LMBR1: variants seen among roughly 807,000 people sequenced by gnomAD.
LMBR1 encodes limb region 1 protein homolog.
In LMBR1, 52 loss-of-function variants were observed where a neutral mutation model predicts 73.9. The observed-to-expected ratio is 0.70, with a 90% confidence interval of 0.56 to 0.89. The LOEUF (loss-of-function observed/expected upper bound fraction) is 0.89, where lower values mean the gene tolerates loss of function less well. Among genes scored for constraint, LMBR1 ranks in the 40% least tolerant of loss-of-function variants. The pLI is 0.00. For missense variants in LMBR1, 539 were observed against 579.8 expected (o/e 0.93, Z 0.72); for synonymous variants, 215 against 209.4 (o/e 1.03, Z -0.23).
In LMBR1 at chr7:156,723,629, G is replaced by C. The variant is rs1376025660; in HGVS notation, c.1225+483C>G. On this transcript the variant is annotated intron_variant, in intron 15 of 16. Coordinates refer to ENST00000353442, the MANE Select transcript of LMBR1 (RefSeq NM_022458.4). ...ACAGAAATGAATGACAGGCAAGTAG[G>C]AACTCTCAAGGGTGTCCTTTGAATC... Among the ~76,000 whole-genome samples, 5 of 152,060 alleles carry C rather than the reference G, an allele frequency of 3.3e-5. No homozygotes were observed. The East Asian group carries it at 9.6e-4, about 29-fold the overall frequency.
At chr7:156,819,832 C>T (rs913072844) in intron 4 of LMBR1, among the ~76,000 whole-genome samples, 2 of 152,058 alleles carry the variant, frequency 1.3e-5, no homozygotes, top group African/African-American at 2.4e-5. Context: ...CTGTGGTTGT[C>T]TCCTCTCTTC....
rs59912051 is a variant in LMBR1 at position 156,725,501 on chromosome 7, G to A, written c.1092C>T (p.Val364=). 0.084 allele frequency: 134,953 copies of A among 1,597,898 alleles called. 6,335 individuals carry two copies. Among genetic ancestry groups the A allele is most frequent in the East Asian group, 0.16 (6,954 of 44,618 alleles). The part of the protein sequence containing the change: ...LIFYLMVSSV[V]GFYSLRFFGN... ...CAAAAAATCGAAGGCTATAGAAGCC[G>A]ACAACAGAGGACACCATAAGATAGC... Residue 364 remains valine (V), a synonymous_variant, in exon 14 of 17, where the codon GTC becomes GTT. Transcript: ENST00000353442.
At chr7:156,794,843 C>T (rs1829830418) in intron 5 of LMBR1, among the ~76,000 whole-genome samples, 1 of 152,264 alleles carries the variant, frequency 6.6e-6, no homozygotes, top group East Asian at 1.9e-4. Flanking sequence ...GTGTTCTGCA[C>T]TGTGTGGGGC....
At chr7:156,755,136 T>C (rs184216835) in intron 9 of LMBR1, among the ~76,000 whole-genome samples, 5 of 152,334 alleles carry the variant, frequency 3.3e-5, no homozygotes, top group East Asian at 3.9e-4. Context: ...CTCTGTAACA[T>C]TTCTATGCCA....
chr7:156,718,105 G>A (rs983872824), intron 15 of LMBR1, among the ~76,000 whole-genome samples: 3 of 152,034 alleles, frequency 2.0e-5, no homozygotes, highest in African/African-American at 7.2e-5. Context: ...GTATTATTAA[G>A]AATACTCAGC....
intron 3 of LMBR1, among the ~76,000 whole-genome samples, chr7:156,831,856 G>C (rs1034231596): frequency 1.3e-5 from 2 of 152,194 alleles, no homozygotes; most frequent in African/African-American, 4.8e-5. Context: ...ACCACAGGTG[G>C]CACACAGACT....
chr7:156,833,865 A>T, intron 2 of LMBR1, 73 bp from the exon 3 acceptor site: 1 of 984,224 alleles, frequency 1.0e-6, no homozygotes, highest in Non-Finnish European at 1.5e-6. Flanking sequence ...TTAAAACTAT[A>T]AACACAATAT....
chr7:156,784,183 T>C (rs2133225708), intron 5 of LMBR1, among the ~76,000 whole-genome samples: 1 of 152,222 alleles, frequency 6.6e-6, no homozygotes, highest in South Asian at 2.1e-4. Flanking sequence ...CTTGAAATAT[T>C]TTTTGTCTAC....
Position 156,669,524 on chromosome 7 carries a change from C to T in LMBR1, n.867-237G>A, listed in dbSNP as rs771327009. 8.5e-5 allele frequency among the ~76,000 whole-genome samples: 13 copies of T among 152,124 alleles called. No individual in the cohort carries two copies. The highest frequency in any genetic ancestry group is 1.9e-4 in the Non-Finnish European group (13 of 68,008). On this transcript the variant is annotated intron_variant and non_coding_transcript_variant, in intron 4 of 4. Transcript: ENST00000430825. The surrounding 1 kb of genome is among the most constrained non-coding windows in gnomAD (Gnocchi z 4.2). ...TTAGCATGTGGGAGGGGCAGGCTGG[C>T]AGAGTGTGAGCCGCTGGGCACAGGT...
intron 4 of LMBR1, among the ~76,000 whole-genome samples, chr7:156,808,549 G>C (rs1415555336): frequency 6.6e-6 from 1 of 152,064 alleles, no homozygotes; most frequent in Non-Finnish European, 1.5e-5. Context: ...CCTTTTAGTT[G>C]TAGTGTTTAG....
At chr7:156,825,172 T>G (rs1040920904) in intron 4 of LMBR1, among the ~76,000 whole-genome samples, 2 of 152,158 alleles carry the variant, frequency 1.3e-5, no homozygotes, top group African/African-American at 4.8e-5. Flanking sequence ...AGGAGGACAT[T>G]TTACCATTAA....
intron 15 of LMBR1, among the ~76,000 whole-genome samples, chr7:156,719,059 A>G (rs191084843): frequency 1.3e-5 from 2 of 151,438 alleles, no homozygotes; most frequent in African/African-American, 4.9e-5. Flanking sequence ...TGTATACATG[A>G]GCCATGCTGG....
chr7:156,824,431 T>C (rs545355974), intron 4 of LMBR1, among the ~76,000 whole-genome samples: 3 of 152,304 alleles, frequency 2.0e-5, no homozygotes, highest in South Asian at 2.1e-4. Context: ...ATCTCTTAAA[T>C]TTAAACTTGC....
intron 4 of LMBR1, among the ~76,000 whole-genome samples, chr7:156,799,624 G>C (rs770434105): frequency 6.6e-6 from 1 of 152,136 alleles, no homozygotes; most frequent in African/African-American, 2.4e-5. Flanking sequence ...AGTAGGCCAT[G>C]TAATAATCCT....
rs562654381 is a variant in LMBR1, at chr7:156,688,031, T to G, written c.1386A>C (p.Leu462=). Residue 462 remains leucine, a splice_region_variant and synonymous_variant, in exon 16 of 17, where the codon CTA becomes CTC. Transcript: ENST00000353442. Reference sequence around the variant, plus strand: ...AATACCCATAAACCTCAGGATTACCTAGGGCCTTGAAAAGTTCTTCTCGAA... The same window carrying G: ...AATACCCATAAACCTCAGGATTACCGAGGGCCTTGAAAAGTTCTTCTCGAA... ...SAVREELFKA[L]GLHKLHLPNT... 3.8e-6 allele frequency: 6 copies of G among 1,598,536 alleles called. No homozygotes were observed. The highest frequency in any genetic ancestry group is 1.1e-5 in the South Asian group (1 of 87,178).
intron 4 of LMBR1, among the ~76,000 whole-genome samples, chr7:156,801,846 T>C (rs1247511406): frequency 2.0e-5 from 3 of 152,090 alleles, no homozygotes; most frequent in Non-Finnish European, 2.9e-5. Context: ...ACCACCTTAA[T>C]ATTTTATGAG....
intron 4 of LMBR1, among the ~76,000 whole-genome samples, chr7:156,818,654 T>C (rs1418629148): frequency 6.6e-6 from 1 of 152,188 alleles, no homozygotes; most frequent in African/African-American, 2.4e-5. Flanking sequence ...TTTGCAATGG[T>C]GTGCAACCAC....
chr7:156,704,228 T>C lies in LMBR1; in HGVS notation c.1226-16037A>G, dbSNP rs1220584139. Among the ~76,000 whole-genome samples, 5 of 152,276 alleles carry C rather than the reference T, an allele frequency of 3.3e-5. No individual in the cohort carries two copies. The East Asian group carries it at 9.6e-4, about 29-fold the overall frequency. ...ATGCTTAGCCCACCACTGCTACCAA[T>C]GAAACCTGAAAAGGGATCCATCAGG... On this transcript the variant is annotated intron_variant, in intron 15 of 16. Coordinates refer to ENST00000353442, the MANE Select transcript of LMBR1 (RefSeq NM_022458.4).
chr7:156,788,407 T>C (rs1402481331), intron 5 of LMBR1, among the ~76,000 whole-genome samples: 1 of 152,214 alleles, frequency 6.6e-6, no homozygotes, highest in East Asian at 1.9e-4. Context: ...GTACCTTTTA[T>C]TTATGATACT....
Sources: gnomAD v4.1 joint callset for allele counts (sites outside exome capture counted in the v4.1 genomes callset) on GRCh38, gnomAD v4.1.1 for gene constraint, Gnocchi (gnomAD v3.1) non-coding constraint, MANE v1.5 for transcripts, NCBI Gene and HGNC (gene_info 2026-07-23, HGNC 2026-07-21) for gene names.